Variants in NTM observed in about 807,000 individuals in gnomAD.
The protein encoded by NTM is neurotrimin.
A neutral mutation model predicts 42.1 loss-of-function variants in NTM; 13 were observed. The ratio of observed to expected loss-of-function variants is 0.31; its 90% CI spans 0.20 to 0.49. The LOEUF (loss-of-function observed/expected upper bound fraction) is 0.49. NTM is among the 20% of genes least tolerant of loss of function. The pLI is 0.99. For synonymous variants in NTM, 187 were observed against 179.2 expected, an observed-to-expected ratio of 1.04 and a Z score of -0.35; for missense variants, 373 against 452.8, an observed-to-expected ratio of 0.82 and a Z score of 1.60.
At chr11:132,095,837 T>A (rs1321119641) in intron 2 of NTM, among the ~76,000 whole-genome samples, 1 of 152,214 alleles carries the variant, frequency 6.6e-6, no homozygotes, top group African/African-American at 2.4e-5. Context: ...CAGATTTGGC[T>A]CTGGCCGTAG....
intron 3 of NTM, among the ~76,000 whole-genome samples, chr11:132,169,529 G>A (rs913310065): frequency 6.6e-6 from 1 of 151,350 alleles, no homozygotes; most frequent in Admixed American, 6.6e-5. Context: ...TAGAGATGGA[G>A]TTTCACTGTG....
intron 1 of NTM, chr11:131,660,499 G>A (rs1025415371): frequency 1.3e-5 from 6 of 457,468 alleles, no homozygotes; most frequent in Middle Eastern, 6.5e-4. Context: ...CCCTCCTCCC[G>A]AGAGGCACCA....
chr11:131,807,901 A>C (rs1160496001), intron 1 of NTM, among the ~76,000 whole-genome samples: 2 of 152,192 alleles, frequency 1.3e-5, no homozygotes, highest in African/African-American at 4.8e-5. Flanking sequence ...ATTATTAATG[A>C]TATCATGATT....
At chr11:132,318,629 G>A (rs773065678) in intron 7 of NTM, among the ~76,000 whole-genome samples, 1 of 152,194 alleles carries the variant, frequency 6.6e-6, no homozygotes, top group Non-Finnish European at 1.5e-5. Context: ...CAAGCAAGCA[G>A]TGGAATAAAA....
At chr11:132,311,100 A>C (rs538170966) in intron 6 of NTM, among the ~76,000 whole-genome samples, 1 of 152,150 alleles carries the variant, frequency 6.6e-6, no homozygotes, top group Non-Finnish European at 1.5e-5. Context: ...AAAACAATGA[A>C]GAGGGCATTC....
chr11:131,471,721 C>T (rs570643438), intron 1 of NTM, among the ~76,000 whole-genome samples: 4 of 152,238 alleles, frequency 2.6e-5, no homozygotes, highest in Admixed American at 2.6e-4. Context: ...AAGGCAAATG[C>T]TTACTCCAGG....
At chr11:131,639,557 A>G (rs772724429) in intron 1 of NTM, among the ~76,000 whole-genome samples, 9 of 152,196 alleles carry the variant, frequency 5.9e-5, no homozygotes, top group Non-Finnish European at 8.8e-5. Flanking sequence ...TTTCTGTTTA[A>G]CTAAGGGGTA....
intron 2 of NTM, among the ~76,000 whole-genome samples, chr11:132,100,204 C>T (rs1271650719): frequency 6.6e-6 from 1 of 152,264 alleles, no homozygotes; most frequent in Non-Finnish European, 1.5e-5. Flanking sequence ...TTGGTAACCA[C>T]ACCCATGTGT....
rs142358820 is a variant in NTM, at chr11:131,629,108, T to C, written c.82+258220T>C. Among the ~76,000 whole-genome samples the C allele has an allele frequency of 3.2e-3, 486 of 152,378 alleles. 2 individuals carry two copies. The highest frequency in any genetic ancestry group is 0.011 in the African/African-American group (460 of 41,600). ...ATAGGGAGATTTGGGACAGTGCCCT[T>C]GTGCAGCTTGTGGCTGAGGGTTTGA... On this transcript the variant is annotated intron_variant, in intron 1 of 8. Coordinates refer to ENST00000683400, the MANE Select transcript of NTM (RefSeq NM_001352005.2).
At chr11:131,762,869 C>G (rs1425246328) in intron 1 of NTM, among the ~76,000 whole-genome samples, 1 of 152,208 alleles carries the variant, frequency 6.6e-6, no homozygotes, top group Non-Finnish European at 1.5e-5. Flanking sequence ...CCCCTGCTGG[C>G]TCTGGACAGG....
intron 4 of NTM, among the ~76,000 whole-genome samples, chr11:132,276,447 G>T (rs2093730194): frequency 1.3e-5 from 2 of 152,002 alleles, no homozygotes; most frequent in South Asian, 4.2e-4. Context: ...GGCTTTTGGG[G>T]GGTGTCTCAG....
At chr11:132,142,909 G>T (rs1228442922) in intron 2 of NTM, among the ~76,000 whole-genome samples, 1 of 152,130 alleles carries the variant, frequency 6.6e-6, no homozygotes, top group Non-Finnish European at 1.5e-5. Context: ...TCACAAGGAA[G>T]CCCAGGACAG....
intron 7 of NTM, among the ~76,000 whole-genome samples, chr11:132,323,269 T>G (rs545405434): frequency 3.2e-4 from 48 of 151,284 alleles, no homozygotes; most frequent in African/African-American, 8.3e-4. Context: ...TCAACAAAAT[T>G]GATAGACCGC....
intron 2 of NTM, among the ~76,000 whole-genome samples, chr11:132,084,021 A>G (rs928488845): frequency 2.6e-5 from 4 of 152,158 alleles, no homozygotes; most frequent in Non-Finnish European, 5.9e-5. Flanking sequence ...GTTTTCTATT[A>G]CTTCAGTCTA....
intron 4 of NTM, among the ~76,000 whole-genome samples, chr11:132,270,091 G>A (rs924041136): frequency 3.3e-5 from 5 of 152,096 alleles, no homozygotes; most frequent in East Asian, 3.9e-4. Flanking sequence ...CTATAACTAC[G>A]GATAGCGTTT....
intron 1 of NTM, among the ~76,000 whole-genome samples, chr11:131,668,023 G>A (rs2069392738): frequency 6.6e-6 from 1 of 152,238 alleles, no homozygotes; most frequent in Non-Finnish European, 1.5e-5. Context: ...AATGATGAGA[G>A]ATAGCTTTTG....
chr11:132,331,939 G>C (rs2095807996), intron 8 of NTM, among the ~76,000 whole-genome samples: 1 of 152,192 alleles, frequency 6.6e-6, no homozygotes, highest in African/African-American at 2.4e-5. Context: ...GGTGTGGCAA[G>C]AAGAGACACC....
intron 6 of NTM, among the ~76,000 whole-genome samples, chr11:132,313,732 A>G (rs563412124): frequency 6.6e-6 from 1 of 152,108 alleles, no homozygotes; most frequent in Non-Finnish European, 1.5e-5. Context: ...CTGCCTGGTA[A>G]TAGAATCCAT....
chr11:132,169,380 G>A (rs1179610817), intron 3 of NTM, among the ~76,000 whole-genome samples: 2 of 116,602 alleles, frequency 1.7e-5, no homozygotes, highest in Non-Finnish European at 3.3e-5. Flanking sequence ...CTGTCACCCA[G>A]GCTGGAGTGC....
Sources: allele counts gnomAD v4.1 joint callset (sites outside exome capture counted in the v4.1 genomes callset), GRCh38; gene constraint gnomAD v4.1.1; transcripts MANE v1.5; gene names NCBI Gene and HGNC (gene_info 2026-07-23, HGNC 2026-07-21).